TRPM2: variants seen among roughly 807,000 people sequenced by gnomAD.
TRPM2 encodes the protein estrogen-responsive element-associated gene 1 protein.
Under a neutral mutation model 174.0 loss-of-function variants are expected in TRPM2, and 161 were observed. The ratio of observed to expected loss-of-function variants is 0.93; its 90% confidence interval spans 0.81 to 1.05. TRPM2 has a LOEUF of 1.05. TRPM2 is among the 50% of genes least tolerant of loss of function. The pLI, the probability that TRPM2 is intolerant of heterozygous loss-of-function variation, is 0.00. For missense variants in TRPM2, 2,057 were observed against 2,038.0 expected (o/e 1.01, Z -0.18); for synonymous variants, 954 against 861.3 (o/e 1.11, Z -1.88).
chr21:44,391,850 C>A lies in TRPM2; in HGVS notation c.1794+225C>A, dbSNP rs1362757760. On this transcript the variant is annotated intron_variant, in intron 11 of 31. Transcript: ENST00000397928. The surrounding 1 kb of genome is among the most constrained non-coding windows in gnomAD (Gnocchi z 5.0). ...CCGAAGTCCCAGATTAAGGCACCAGCAGGGCTGGCTTCTGGCCAGGGCCTC... is the reference window on the plus strand; with the variant it reads ...CCGAAGTCCCAGATTAAGGCACCAGAAGGGCTGGCTTCTGGCCAGGGCCTC... Among the ~76,000 whole-genome samples the A allele has an allele frequency of 6.6e-6, 1 of 152,248 alleles. No individual in the cohort carries two copies. Among genetic ancestry groups the A allele is most frequent in the Non-Finnish European group, 1.5e-5 (1 of 68,042 alleles).
At chr21:44,383,817 C>A (rs904351448) in intron 9 of TRPM2, among the ~76,000 whole-genome samples, 3 of 152,070 alleles carry the variant, frequency 2.0e-5, no homozygotes, top group African/African-American at 7.2e-5. Flanking sequence ...CCAATGAAAA[C>A]AAAAGCACAA....
chr21:44,398,090 C>G (rs1055080216), intron 13 of TRPM2, among the ~76,000 whole-genome samples: 1 of 152,140 alleles, frequency 6.6e-6, no homozygotes, highest in African/African-American at 2.4e-5. Flanking sequence ...CAGATAGAGC[C>G]CATTTGTTAA....
intron 9 of TRPM2, among the ~76,000 whole-genome samples, chr21:44,383,444 T>G (rs779381454): frequency 1.1e-4 from 16 of 152,222 alleles, no homozygotes; most frequent in Admixed American, 8.5e-4. Context: ...AGGCTGATTC[T>G]GAAGGGCTCA....
chr21:44,378,798 G>A (rs553928280), intron 7 of TRPM2, among the ~76,000 whole-genome samples, 199 bp from the exon 8 acceptor site: 3 of 152,354 alleles, frequency 2.0e-5, no homozygotes, highest in East Asian at 1.9e-4. Flanking sequence ...GGTGCCAGGT[G>A]TGCAGCCCCC....
chr21:44,377,145 G>A (rs1186065905), intron 6 of TRPM2, among the ~76,000 whole-genome samples: 4 of 152,226 alleles, frequency 2.6e-5, no homozygotes, highest in South Asian at 2.1e-4. Context: ...GTGTGAAGAC[G>A]ATGGGCCCAT....
At chr21:44,388,653 A>C (rs935580967) in intron 9 of TRPM2, among the ~76,000 whole-genome samples, 8 of 130,006 alleles carry the variant, frequency 6.2e-5, no homozygotes, top group Non-Finnish European at 1.1e-4. Context: ...GTCACTACAA[A>C]AAAAAAAAAA....
chr21:44,407,347 G>A (rs569537561), intron 19 of TRPM2, among the ~76,000 whole-genome samples: 45 of 148,016 alleles, frequency 3.0e-4, no homozygotes, highest in Non-Finnish European at 5.0e-4. Context: ...GGCTAGTATC[G>A]AACTCTTGAG....
At position 44,360,045 on chromosome 21, in the gene TRPM2, C is replaced by G. The variant is rs1017476511; in HGVS notation, c.255-4069C>G. ...ACAGGCATGAGGCACCATGCCCAGC[C>G]TCATCTGAACTTTTCTAGGTTATTT... On this transcript the variant is annotated intron_variant, in intron 2 of 31. Coordinates refer to ENST00000397928, the MANE Select transcript of TRPM2 (RefSeq NM_003307.4). Among the ~76,000 whole-genome samples, 5 of 152,230 alleles carry G rather than the reference C, an allele frequency of 3.3e-5. No homozygotes were observed. In the East Asian group the frequency reaches 9.6e-4, roughly 29 times the overall value.
rs1032593892 is a variant in TRPM2 at position 44,399,112 on chromosome 21, A to G, written c.2063-184A>G. Among the ~76,000 whole-genome samples the G allele has an allele frequency of 3.9e-5, 6 of 152,032 alleles. No homozygotes were observed. The highest frequency in any genetic ancestry group is 1.5e-4 in the African/African-American group (6 of 41,372). ...TTTTTGTAGAGGCAGTTCCAGCCCT[A>G]CGTGCCCTCTCCCTGGGGTCCTCGT... On this transcript the variant is annotated intron_variant, in intron 13 of 31. Transcript: ENST00000397928. This position sits in a 1 kb window ranked among gnomAD's most constrained non-coding sequence, Gnocchi z 4.6.
Position 44,395,562 on chromosome 21 carries a change from T to C in TRPM2, c.1932+11T>C. ...ATCATCTGGGCTCAGGTAATAAGAC[T>C]GGCTTCTCAGTCTCAGCAGACACAG... is the stretch of plus-strand genomic sequence containing the variant. On this transcript the variant is annotated intron_variant, in intron 12 of 31. Coordinates refer to ENST00000397928, the MANE Select transcript of TRPM2 (RefSeq NM_003307.4). 6.2e-7 allele frequency: 1 copy of C among 1,612,600 alleles called. No homozygotes were observed. The highest frequency in any genetic ancestry group is 1.1e-5 in the South Asian group (1 of 91,080).
At chr21:44,433,290 G>A (rs1173132375) in intron 27 of TRPM2, among the ~76,000 whole-genome samples, 1 of 152,244 alleles carries the variant, frequency 6.6e-6, no homozygotes, top group Non-Finnish European at 1.5e-5. Context: ...ACTCATGCCA[G>A]GCAGAGCGTG....
In TRPM2 at chr21:44,390,910, G is replaced by A. The variant is rs779223214; in HGVS notation, c.1325G>A (p.Arg442Gln). Reference sequence around the variant, plus strand: ...TGCACCTGTTCATCTGCAGCCTCACGGAGCCAAGACCACTTTGGCCACGAG... The same window carrying A: ...TGCACCTGTTCATCTGCAGCCTCACAGAGCCAAGACCACTTTGGCCACGAG... ...AILQALLKAS[R>Q]SQDHFGHENW... is the part of the protein sequence containing the mutation. Residue 442 changes from arginine (R) to glutamine (Q), a missense_variant, in exon 10 of 32, where the codon CGG becomes CAG. By Grantham distance (43) the Arg-to-Gln change is conservative. Transcript: ENST00000397928. 55 of 1,613,922 alleles carry A rather than the reference G, an allele frequency of 3.4e-5. No individual in the cohort carries two copies. The highest frequency in any genetic ancestry group is 9.3e-5 in the African/African-American group (7 of 74,910).
chr21:44,418,300 C>T lies in TRPM2; in HGVS notation c.3329-123C>T, dbSNP rs972895996. On this transcript the variant is annotated intron_variant, in intron 21 of 31. Transcript: ENST00000397928. ...AGAGGCCCCCTTGGGGGCAGGTGTG[C>T]GATGGGCTCTTCCTGCCACTCAGGA... 3.0e-5 allele frequency: 42 copies of T among 1,423,458 alleles called. No homozygotes were observed. In the African/African-American group the frequency reaches 3.7e-4, roughly 13 times the overall value. 88.2% of individuals were successfully genotyped at this position (1,423,458 alleles called of 1,614,324 possible).
Position 44,375,908 on chromosome 21 carries a change from C to G in TRPM2, c.847C>G (p.His283Asp). Residue 283 changes from histidine (H) to aspartate (D), a missense_variant, in exon 6 of 32, where the codon CAC (histidine) becomes GAC (aspartate). By Grantham distance (81) the His-to-Asp change is moderately conservative. Coordinates refer to ENST00000397928, the MANE Select transcript of TRPM2 (RefSeq NM_003307.4). ...GACCTGCCTAGACAGCAACCACTCTCACTTCATCCTCGTGGACGACGGGAC... is the reference window on the plus strand; with the variant it reads ...GACCTGCCTAGACAGCAACCACTCTGACTTCATCCTCGTGGACGACGGGAC... Reference protein sequence around the residue: ...NLTCLDSNHSHFILVDDGTHG... With the variant: ...NLTCLDSNHSDFILVDDGTHG... 1 of 1,614,120 alleles carries G rather than the reference C, an allele frequency of 6.2e-7. No individual in the cohort carries two copies. The highest frequency in any genetic ancestry group is 1.1e-5 in the South Asian group (1 of 91,084).
At chr21:44,356,263 A>G (rs2048060349) in intron 2 of TRPM2, among the ~76,000 whole-genome samples, 1 of 150,580 alleles carries the variant, frequency 6.6e-6, no homozygotes, top group Admixed American at 6.6e-5. Context: ...ACTCGCGGCC[A>G]TGGAGGGCTG....
At chr21:44,413,580 A>G (rs763821791) in intron 19 of TRPM2, among the ~76,000 whole-genome samples, 4 of 152,160 alleles carry the variant, frequency 2.6e-5, no homozygotes, top group Admixed American at 6.5e-5. Context: ...TGAACTCCCC[A>G]GGCTTGGGAC....
In TRPM2 at chr21:44,427,000, C is replaced by T. The variant is rs747187720; in HGVS notation, c.3873-10C>T. ...CGGGCACACAGACACGCCTTCTCCT[C>T]TGCTCCCAGCACCCTGGAGCCACTG... On this transcript the variant is annotated splice_polypyrimidine_tract_variant and intron_variant, in intron 26 of 31. Transcript: ENST00000397928. The T allele has an allele frequency of 2.5e-6, 4 of 1,583,628 alleles. No individual in the cohort carries two copies. The highest frequency in any genetic ancestry group is 3.4e-6 in the Non-Finnish European group (4 of 1,165,960).
At chr21:44,417,896 C>A in intron 20 of TRPM2, 31 bp from the exon 21 acceptor site, 1 of 1,598,032 alleles carries the variant, frequency 6.3e-7, no homozygotes, top group Admixed American at 1.7e-5. Flanking sequence ...AACACCCTGA[C>A]CTCGAGGTGT....
intron 16 of TRPM2, among the ~76,000 whole-genome samples, chr21:44,403,853 C>T (rs1458983135): frequency 6.6e-6 from 1 of 151,066 alleles, no homozygotes; most frequent in East Asian, 2.0e-4. Context: ...TACACGTGTG[C>T]ATACACACAA....
Sources: gnomAD v4.1 joint callset for allele counts (sites outside exome capture counted in the v4.1 genomes callset) on GRCh38, gnomAD v4.1.1 for gene constraint, Gnocchi (gnomAD v3.1) non-coding constraint, MANE v1.5 for transcripts, NCBI Gene and HGNC (gene_info 2026-07-23, HGNC 2026-07-21) for gene names.